Variants in CYP4F22 observed in about 807,000 individuals in gnomAD.
The protein encoded by CYP4F22 is cytochrome P450 family 4 subfamily F member 22.
In CYP4F22, 37 loss-of-function variants were observed where a neutral mutation model predicts 60.4. That is an observed-to-expected ratio of 0.61 (90% CI 0.47 to 0.81). The LOEUF is 0.81. Among genes scored for constraint, CYP4F22 ranks in the 30% least tolerant of loss-of-function variants. CYP4F22 has a pLI of 0.00. For synonymous variants in CYP4F22, 258 were observed against 280.5 expected (o/e 0.92, Z 0.80); for missense variants, 655 against 715.0 (o/e 0.92, Z 0.96).
At chr19:15,530,911 C>T (rs752648343) in intron 4 of CYP4F22, among the ~76,000 whole-genome samples, 10 of 152,032 alleles carry the variant, frequency 6.6e-5, no homozygotes, top group Admixed American at 2.6e-4. Flanking sequence ...CCAGAGGTAT[C>T]GGGACATCTG....
At chr19:15,519,562 C>A (rs1237676852) in intron 1 of CYP4F22, among the ~76,000 whole-genome samples, 1 of 152,090 alleles carries the variant, frequency 6.6e-6, no homozygotes, top group Non-Finnish European at 1.5e-5. Flanking sequence ...TGTGCTCAGC[C>A]AGAGGAGGGG....
In CYP4F22 at chr19:15,540,640, C is replaced by A. The variant is rs549559441; in HGVS notation, c.862C>A (p.Gln288Lys). 1.2e-6 allele frequency: 2 copies of A among 1,614,074 alleles called. No homozygotes were observed. Among genetic ancestry groups the A allele is most frequent in the African/African-American group, 1.3e-5 (1 of 75,016 alleles). ...CCAGGAACGGCGGCGGGCACTGCGT[C>A]AGCAGGGGGCCGAGGCCTGGCTTAA... ...VIQERRRALRQQGAEAWLKAK... is the reference protein window; with the variant it reads ...VIQERRRALRKQGAEAWLKAK... The change falls in exon 8 of 14, where the codon CAG becomes AAG. Residue 288 changes from glutamine to lysine, a missense_variant. Around this residue, in one of 3 missense-constraint regions of CYP4F22, gnomAD observed 430 missense variants for 457.1 expected, o/e 0.94. Transcript: ENST00000269703.
rs555579670 is a variant in CYP4F22, at chr19:15,520,572, G to C, written c.-108-3121G>C. ...CATACGGACCACACACAGAGCCTCAGTGCACACACTTCTTTTTTCATTTTT... is the reference window on the plus strand; with the variant it reads ...CATACGGACCACACACAGAGCCTCACTGCACACACTTCTTTTTTCATTTTT... On this transcript the variant is annotated intron_variant, in intron 1 of 13. Transcript: ENST00000269703. Among the ~76,000 whole-genome samples the C allele has an allele frequency of 5.3e-3, 802 of 151,774 alleles. 4 individuals are homozygous for C. Among genetic ancestry groups the C allele is most frequent in the Non-Finnish European group, 6.2e-3 (423 of 67,894 alleles).
chr19:15,531,281 G>C (rs893172614), intron 4 of CYP4F22, among the ~76,000 whole-genome samples: 1 of 151,920 alleles, frequency 6.6e-6, no homozygotes, highest in African/African-American at 2.4e-5. Flanking sequence ...TCAGGAGGCT[G>C]AGGTGAGAGG....
At chr19:15,537,150 A>G (rs778428467) in intron 4 of CYP4F22, among the ~76,000 whole-genome samples, 26 of 152,086 alleles carry the variant, frequency 1.7e-4, no homozygotes, top group Non-Finnish European at 3.2e-4. Flanking sequence ...AATACAAACA[A>G]ATTAGCCGGG....
intron 7 of CYP4F22, 121 bp downstream of exon 7, chr19:15,538,114 G>A: frequency 2.2e-6 from 3 of 1,380,020 alleles, no homozygotes; most frequent in Non-Finnish European, 3.0e-6. Flanking sequence ...CCACGGATGG[G>A]CCATGTGCTT....
chr19:15,509,738 G>A (rs1431438191), intron 1 of CYP4F22, among the ~76,000 whole-genome samples: 1 of 152,080 alleles, frequency 6.6e-6, no homozygotes, highest in African/African-American at 2.4e-5. Flanking sequence ...AAATGGCCCA[G>A]CTTGGGTTTC....
rs16980547 is a variant in CYP4F22, at chr19:15,548,766, G to A, written c.1271-372G>A. On this transcript the variant is annotated intron_variant, in intron 11 of 13. Transcript: ENST00000269703. Reference sequence around the variant, plus strand: ...AGTGTGGAAGTGAAAGAGTGAGCATGTTTATGGAGTAGAGCCTCAGGATGC... The same window carrying A: ...AGTGTGGAAGTGAAAGAGTGAGCATATTTATGGAGTAGAGCCTCAGGATGC... 5.4e-3 allele frequency among the ~76,000 whole-genome samples: 825 copies of A among 152,238 alleles called. 7 individuals are homozygous for A. The highest frequency in any genetic ancestry group is 0.019 in the African/African-American group (781 of 41,530).
chr19:15,549,882 C>T (rs542380409), intron 12 of CYP4F22, among the ~76,000 whole-genome samples: 18 of 151,904 alleles, frequency 1.2e-4, no homozygotes, highest in Non-Finnish European at 2.2e-4. Context: ...GCAGGAGGAT[C>T]GCTTGGGCCC....
intron 1 of CYP4F22, among the ~76,000 whole-genome samples, chr19:15,508,897 AG>A (rs1281437637): frequency 6.6e-6 from 1 of 151,144 alleles, no homozygotes; most frequent in Non-Finnish European, 1.5e-5. Flanking sequence ...TGTGATGGGC[AG>A]GGGGCCTCCA....
chr19:15,521,141 C>A (rs1298911059), intron 1 of CYP4F22, among the ~76,000 whole-genome samples: 1 of 151,830 alleles, frequency 6.6e-6, no homozygotes, highest in Non-Finnish European at 1.5e-5. Context: ...AATGTCCTTG[C>A]TTTTGAAGGC....
Position 15,537,590 on chromosome 19 carries a change from G to T in CYP4F22, c.477G>T (p.Leu159=). The T allele has an allele frequency of 2.5e-6, 4 of 1,614,174 alleles. No individual in the cohort carries two copies. The highest frequency in any genetic ancestry group is 3.4e-6 in the Non-Finnish European group (4 of 1,180,040). The change falls in exon 6 of 14, where the codon CTG becomes CTT. Residue 159 remains leucine, a synonymous_variant. Transcript: ENST00000269703. ...GDKWSRHRRL[L]TPAFHFDILK... ...AGTGGAGCCGGCACCGTCGCCTGCT[G>T]ACACCCGCCTTCCACTTTGACATCC...
At chr19:15,530,545 G>A (rs1599800100) in intron 4 of CYP4F22, among the ~76,000 whole-genome samples, 4 of 152,236 alleles carry the variant, frequency 2.6e-5, no homozygotes, top group East Asian at 1.9e-4. Context: ...CAGTTCTCAC[G>A]CTGCTATGAA....
intron 1 of CYP4F22, among the ~76,000 whole-genome samples, chr19:15,520,520 C>A (rs1021124729): frequency 2.0e-5 from 3 of 151,184 alleles, no homozygotes; most frequent in Non-Finnish European, 4.4e-5. Flanking sequence ...GGAGGCAATA[C>A]TTCACTCACA....
rs1301384928 is a variant in CYP4F22, at chr19:15,548,222, TG to T, written c.1254del (p.Arg419AlafsTer73). ...GCACGGAGGACATCAAGCTCCCAGA[TG>T]GGCGCATCATCCCCAAAGGTGCCTA... ...QCTEDIKLPD[G>X]RIIPKGIICL... On this transcript the variant is annotated frameshift_variant, in exon 11 of 14. Coordinates refer to ENST00000269703, the MANE Select transcript of CYP4F22 (RefSeq NM_173483.4). LOFTEE classifies it high-confidence loss of function. 3 of 1,614,014 alleles carry T rather than the reference TG, an allele frequency of 1.9e-6. No individual in the cohort carries two copies. Among genetic ancestry groups the T allele is most frequent in the Non-Finnish European group, 2.5e-6 (3 of 1,180,028 alleles).
At chr19:15,536,615 C>T (rs528076639) in intron 4 of CYP4F22, among the ~76,000 whole-genome samples, 1 of 152,182 alleles carries the variant, frequency 6.6e-6, no homozygotes, top group East Asian at 1.9e-4. Flanking sequence ...ATGGCCTGAG[C>T]TGGCAGAAAA....
At chr19:15,538,122 C>A in intron 7 of CYP4F22, 129 bp downstream of exon 7, 2 of 1,313,658 alleles carry the variant, frequency 1.5e-6, no homozygotes, top group Non-Finnish European at 1.1e-6. Flanking sequence ...GGGCCATGTG[C>A]TTCCGGGAAA....
chr19:15,521,546 A>G (rs890834748), intron 1 of CYP4F22, among the ~76,000 whole-genome samples: 1 of 152,056 alleles, frequency 6.6e-6, no homozygotes, highest in African/African-American at 2.4e-5. Flanking sequence ...TCCACGTTTT[A>G]GTGATTATGA....
At chr19:15,520,799 C>A (rs1486897765) in intron 1 of CYP4F22, among the ~76,000 whole-genome samples, 1 of 147,478 alleles carries the variant, frequency 6.8e-6, no homozygotes, top group Non-Finnish European at 1.5e-5. Flanking sequence ...GACAGAGTCT[C>A]GCTCTGTCGC....
Sources: allele counts gnomAD v4.1 joint callset (sites outside exome capture counted in the v4.1 genomes callset), GRCh38; gene constraint gnomAD v4.1.1; regional missense constraint gnomAD v4.1.1; transcripts MANE v1.5; gene names NCBI Gene and HGNC (gene_info 2026-07-23, HGNC 2026-07-21).